The following DNER variants were observed in gnomAD, a reference collection of about 807,000 sequenced individuals.
DNER encodes the protein delta/notch like EGF repeat containing, also known as delta and Notch-like epidermal growth factor-related receptor.
A neutral mutation model predicts 78.2 loss-of-function variants in DNER; 33 were observed. The observed-to-expected ratio is 0.42, with a 90% CI of 0.32 to 0.56. DNER has a LOEUF of 0.56. Among genes scored for constraint, DNER ranks in the 20% least tolerant of loss-of-function variants. The pLI is 0.11. For synonymous variants in DNER, 417 were observed against 384.8 expected (o/e 1.08, Z -0.98); for missense variants, 918 against 975.3 (o/e 0.94, Z 0.78).
intron 1 of DNER, among the ~76,000 whole-genome samples, chr2:229,602,076 A>AT (rs892768851): frequency 6.6e-6 from 1 of 152,004 alleles, no homozygotes; most frequent in Admixed American, 6.6e-5. Context: ...CAGTGCACAC[A>AT]TTTTTGTTTC....
At chr2:229,554,742 C>T (rs1369619288) in intron 4 of DNER, among the ~76,000 whole-genome samples, 4 of 151,784 alleles carry the variant, frequency 2.6e-5, no homozygotes, top group Non-Finnish European at 4.4e-5. Flanking sequence ...GGCACACACA[C>T]CTGTAGCCCC....
At chr2:229,374,464 T>G (rs1416671771) in intron 11 of DNER, among the ~76,000 whole-genome samples, 1 of 152,208 alleles carries the variant, frequency 6.6e-6, no homozygotes, top group African/African-American at 2.4e-5. Flanking sequence ...ATAGTTAAAT[T>G]TTGATGTTTA....
At chr2:229,691,931 C>T (rs1555582) in intron 1 of DNER, among the ~76,000 whole-genome samples, 7,706 of 152,208 alleles carry the variant, frequency 0.051, 263 homozygotes, top group Non-Finnish European at 0.085. Flanking sequence ...TAGGTGCTCT[C>T]TGTTTCCCTA....
At chr2:229,669,598 G>A (rs1699172896) in intron 1 of DNER, among the ~76,000 whole-genome samples, 1 of 152,032 alleles carries the variant, frequency 6.6e-6, no homozygotes, top group Non-Finnish European at 1.5e-5. Context: ...TTGAGCAGTG[G>A]TCTGTAGTTC....
At chr2:229,635,854 G>A (rs1404041549) in intron 1 of DNER, among the ~76,000 whole-genome samples, 3 of 151,918 alleles carry the variant, frequency 2.0e-5, no homozygotes, top group African/African-American at 7.3e-5. Flanking sequence ...CATGTACTGG[G>A]CACTGTTCTG....
intron 8 of DNER, among the ~76,000 whole-genome samples, chr2:229,433,950 A>G (rs1017863120): frequency 6.6e-6 from 1 of 152,202 alleles, no homozygotes; most frequent in Non-Finnish European, 1.5e-5. Context: ...TCTACTTTAA[A>G]AAGGAAAGAA....
At chr2:229,394,161 T>A (rs1693079041) in intron 10 of DNER, among the ~76,000 whole-genome samples, 1 of 152,172 alleles carries the variant, frequency 6.6e-6, no homozygotes, top group Non-Finnish European at 1.5e-5. Flanking sequence ...CCTCTAAGGA[T>A]TCCAGTTTAT....
Position 229,418,214 on chromosome 2 carries a change from G to A in DNER, c.1503C>T (p.Tyr501=), listed in dbSNP as rs139263286. The change falls in exon 9 of 13, where the codon TAC becomes TAT. Residue 501 remains tyrosine (Y), a synonymous_variant. Coordinates refer to ENST00000341772, the MANE Select transcript of DNER (RefSeq NM_139072.4). ...GGCACTCATTATATTCCTCCTCACA[G>A]TAGAGGCCATGGTAACCTGAGGGAC... ...CLCDPGYHGL[Y]CEEEYNECLS... 1 of 1,613,912 alleles carries A rather than the reference G, an allele frequency of 6.2e-7. No homozygotes were observed. The highest frequency in any genetic ancestry group is 1.3e-5 in the African/African-American group (1 of 74,920).
chr2:229,490,864 C>T (rs1322578134), intron 6 of DNER, among the ~76,000 whole-genome samples: 2 of 152,204 alleles, frequency 1.3e-5, no homozygotes, highest in African/African-American at 2.4e-5. Context: ...AAATCCAAAA[C>T]GTCTCACTAC....
At chr2:229,575,245 A>ATATCTTCAG (rs369592917) in intron 4 of DNER, among the ~76,000 whole-genome samples, 1,878 of 152,274 alleles carry the variant, frequency 0.012, 36 homozygotes, top group Middle Eastern at 0.048. Flanking sequence ...CTTTGAAGTC[A>ATATCTTCAG]TATCTTCAGT....
chr2:229,703,892 A>T (rs1699788261), intron 1 of DNER, among the ~76,000 whole-genome samples: 1 of 146,708 alleles, frequency 6.8e-6, no homozygotes, highest in Middle Eastern at 3.2e-3. Flanking sequence ...CTCAAAAAAA[A>T]TGAAGAAAGA....
intron 6 of DNER, among the ~76,000 whole-genome samples, chr2:229,487,979 G>A (rs1159612448): frequency 6.6e-6 from 1 of 152,188 alleles, no homozygotes; most frequent in Non-Finnish European, 1.5e-5. Flanking sequence ...CATCTTCAAA[G>A]GTTTCTGCAC....
chr2:229,414,643 T>C (rs1693603663), intron 9 of DNER, among the ~76,000 whole-genome samples: 1 of 152,214 alleles, frequency 6.6e-6, no homozygotes, highest in Non-Finnish European at 1.5e-5. Context: ...TTAAATAATA[T>C]GAAACCACTT....
chr2:229,382,574 T>A (rs1335177090), intron 11 of DNER, among the ~76,000 whole-genome samples: 2 of 151,952 alleles, frequency 1.3e-5, no homozygotes, highest in African/African-American at 4.8e-5. Flanking sequence ...AGAACATAAA[T>A]GACCTGATGG....
intron 11 of DNER, among the ~76,000 whole-genome samples, chr2:229,377,661 G>A (rs373395255): frequency 6.6e-6 from 1 of 152,262 alleles, no homozygotes; most frequent in East Asian, 1.9e-4. Context: ...ATAAATCTGT[G>A]TGGTCTGTTA....
chr2:229,500,134 C>T (rs1420232764), intron 6 of DNER, among the ~76,000 whole-genome samples: 1 of 152,136 alleles, frequency 6.6e-6, no homozygotes, highest in Non-Finnish European at 1.5e-5. Context: ...CAGGTTTCAC[C>T]GTGTTAGCCA....
intron 11 of DNER, among the ~76,000 whole-genome samples, chr2:229,375,554 A>G (rs558452544): frequency 6.6e-6 from 1 of 152,274 alleles, no homozygotes; most frequent in African/African-American, 2.4e-5. Context: ...ATTCAGTGGG[A>G]TTTGCAAGTT....
At chr2:229,401,335 G>A (rs983494688) in intron 10 of DNER, among the ~76,000 whole-genome samples, 17 of 151,908 alleles carry the variant, frequency 1.1e-4, no homozygotes, top group South Asian at 2.1e-4. Flanking sequence ...CAATTGTCCC[G>A]GAAAAATGAA....
intron 1 of DNER, among the ~76,000 whole-genome samples, chr2:229,662,383 T>G (rs1055895576): frequency 2.6e-5 from 4 of 152,224 alleles, no homozygotes; most frequent in African/African-American, 9.6e-5. Context: ...TACTCATTAT[T>G]TGTTAGGTAC....
Sources: allele counts gnomAD v4.1 joint callset (sites outside exome capture counted in the v4.1 genomes callset), GRCh38; gene constraint gnomAD v4.1.1; transcripts MANE v1.5; gene names NCBI Gene and HGNC (gene_info 2026-07-23, HGNC 2026-07-21).